LDLRAD4: variants seen among roughly 807,000 people sequenced by gnomAD.
LDLRAD4 encodes low density lipoprotein receptor class A domain containing 4.
Under a neutral mutation model 17.0 loss-of-function variants are expected in LDLRAD4, and 5 were observed. The ratio of observed to expected loss-of-function variants is 0.29; its 90% confidence interval spans 0.15 to 0.62. The LOEUF is 0.62. Among genes scored for constraint, LDLRAD4 ranks in the 20% least tolerant of loss-of-function variants. LDLRAD4 has a pLI of 0.84. For synonymous variants in LDLRAD4, 168 were observed against 171.8 expected, an observed-to-expected ratio of 0.98 and a Z score of 0.17; for missense variants, 340 against 424.7, an observed-to-expected ratio of 0.80 and a Z score of 1.75.
intron 3 of LDLRAD4, among the ~76,000 whole-genome samples, chr18:13,523,429 T>C (rs1354367786): frequency 1.3e-5 from 2 of 152,142 alleles, no homozygotes; most frequent in Non-Finnish European, 2.9e-5. Context: ...AGCCCTGCAA[T>C]AGCAAGGGAC....
chr18:13,613,473 A>T (rs940975385), intron 3 of LDLRAD4: 1 of 152,090 alleles, frequency 6.6e-6, no homozygotes, highest in African/African-American at 2.4e-5. Context: ...TTATGTATGT[A>T]TTTTTTTCCA....
chr18:13,381,780 T>G (rs1471989793), intron 1 of LDLRAD4, among the ~76,000 whole-genome samples: 1 of 152,236 alleles, frequency 6.6e-6, no homozygotes, highest in Non-Finnish European at 1.5e-5. Context: ...CTCCCATCTG[T>G]CTCATGACAA....
At position 13,313,838 on chromosome 18, in the gene LDLRAD4, G is replaced by C. The variant is rs115442016; in HGVS notation, c.-383+35650G>C. ...CAGCCGTGTGCGGGGGGGTGCCCAC[G>C]CATCTCCTTGATGACATATTTTAGC... On this transcript the variant is annotated intron_variant, in intron 1 of 5. Transcript: ENST00000359446. 5.6e-3 allele frequency among the ~76,000 whole-genome samples: 859 copies of C among 152,230 alleles called. 5 individuals are homozygous for C. The highest frequency in any genetic ancestry group is 0.02 in the African/African-American group (813 of 41,516).
At chr18:13,523,078 T>TC (rs951772984) in intron 3 of LDLRAD4, among the ~76,000 whole-genome samples, 1 of 152,068 alleles carries the variant, frequency 6.6e-6, no homozygotes, top group Non-Finnish European at 1.5e-5. Context: ...AGCAGTCTCC[T>TC]CTTGGTGCCC....
chr18:13,423,719 C>G (rs1355239125), intron 2 of LDLRAD4: 2 of 152,624 alleles, frequency 1.3e-5, no homozygotes, highest in African/African-American at 4.8e-5. Flanking sequence ...AAGCCCTGTT[C>G]ACGTTTCTTT....
intron 3 of LDLRAD4, among the ~76,000 whole-genome samples, chr18:13,445,743 G>A (rs750723026): frequency 6.4e-4 from 96 of 150,900 alleles, no homozygotes; most frequent in Non-Finnish European, 1.1e-3. Context: ...GTGCATGTAT[G>A]TGTGTGGGTG....
intron 3 of LDLRAD4, among the ~76,000 whole-genome samples, chr18:13,480,076 A>C (rs2093046603): frequency 6.6e-6 from 1 of 152,228 alleles, no homozygotes. Context: ...TACACAGAGG[A>C]ATTGAAACAT....
At chr18:13,415,761 C>A (rs987182111) in intron 2 of LDLRAD4, among the ~76,000 whole-genome samples, 1 of 152,234 alleles carries the variant, frequency 6.6e-6, no homozygotes, top group African/African-American at 2.4e-5. Context: ...AAAGCCAGGG[C>A]CTGGAGCCAG....
intron 2 of LDLRAD4, among the ~76,000 whole-genome samples, chr18:13,390,561 G>T (rs534469308): frequency 6.6e-6 from 1 of 152,126 alleles, no homozygotes; most frequent in Non-Finnish European, 1.5e-5. Flanking sequence ...GATCCTAGGT[G>T]CTTGGCTCAC....
chr18:13,324,384 C>A (rs149151741), intron 1 of LDLRAD4, among the ~76,000 whole-genome samples: 2 of 151,930 alleles, frequency 1.3e-5, no homozygotes, highest in Non-Finnish European at 2.9e-5. Context: ...CTTTGTGATC[C>A]GCCTGCCTTG....
intron 3 of LDLRAD4, among the ~76,000 whole-genome samples, chr18:13,483,442 G>C (rs1324216983): frequency 6.6e-6 from 1 of 152,152 alleles, no homozygotes; most frequent in South Asian, 2.1e-4. Context: ...CCCTGGACCC[G>C]GGGGTCATGT....
intron 3 of LDLRAD4, among the ~76,000 whole-genome samples, chr18:13,479,132 T>C (rs2146913988): frequency 6.6e-6 from 1 of 152,298 alleles, no homozygotes; most frequent in Middle Eastern, 3.4e-3. Flanking sequence ...TAATTCAAAA[T>C]AGATCACAGG....
chr18:13,397,347 G>A (rs2086788921), intron 2 of LDLRAD4, among the ~76,000 whole-genome samples: 1 of 152,176 alleles, frequency 6.6e-6, no homozygotes, highest in Admixed American at 6.5e-5. Flanking sequence ...GTTTCACCCT[G>A]TTAGCCAGGA....
intron 1 of LDLRAD4, among the ~76,000 whole-genome samples, chr18:13,371,771 GAGAGAGAGAGAA>G (rs1285957531): frequency 2.0e-5 from 3 of 151,970 alleles, no homozygotes; most frequent in Admixed American, 6.5e-5. Context: ...TCTCAAAAGA[GAGAGAGAGAGAA>G]AGAGAGAGAG....
chr18:13,513,590 G>T (rs752773495), intron 3 of LDLRAD4, among the ~76,000 whole-genome samples: 1 of 152,178 alleles, frequency 6.6e-6, no homozygotes, highest in African/African-American at 2.4e-5. Flanking sequence ...GTCCTCACAG[G>T]CTTCCACCTT....
chr18:13,556,195 G>T (rs1329331759), intron 3 of LDLRAD4, among the ~76,000 whole-genome samples: 1 of 152,230 alleles, frequency 6.6e-6, no homozygotes. Context: ...GAATTTCTGA[G>T]TCTATTGCAT....
chr18:13,410,483 CAAAG>C (rs1457211776), intron 2 of LDLRAD4, among the ~76,000 whole-genome samples: 1 of 152,184 alleles, frequency 6.6e-6, no homozygotes, highest in East Asian at 1.9e-4. Flanking sequence ...AAAATTATCT[CAAAG>C]TAAGAAGTTT....
At chr18:13,557,395 CT>C (rs2148156931) in intron 3 of LDLRAD4, among the ~76,000 whole-genome samples, 1 of 152,240 alleles carries the variant, frequency 6.6e-6, no homozygotes, top group African/African-American at 2.4e-5. Flanking sequence ...AGGATGGTTT[CT>C]TTAGACAAAG....
chr18:13,521,023 G>A (rs542201519), intron 3 of LDLRAD4: 1 of 152,360 alleles, frequency 6.6e-6, no homozygotes, highest in South Asian at 2.1e-4. Context: ...GTAGCCTAGT[G>A]AATGCCTTGC....
Sources: allele counts gnomAD v4.1 joint callset (sites outside exome capture counted in the v4.1 genomes callset), GRCh38; gene constraint gnomAD v4.1.1; transcripts MANE v1.5; gene names NCBI Gene and HGNC (gene_info 2026-07-23, HGNC 2026-07-21).